The following SHANK2 variants were observed in gnomAD, a reference collection of about 807,000 sequenced individuals.
SHANK2 encodes the protein SH3 and multiple ankyrin repeat domains protein 2.
Under a neutral mutation model 133.7 loss-of-function variants are expected in SHANK2, and 43 were observed. The observed-to-expected ratio is 0.32, with a 90% CI of 0.25 to 0.41. SHANK2 has a LOEUF of 0.41. Among genes scored for constraint, SHANK2 ranks in the 10% least tolerant of loss-of-function variants. The pLI, the probability that SHANK2 is intolerant of heterozygous loss-of-function variation, is 1.00. For synonymous variants in SHANK2, 1,017 were observed against 952.8 expected (o/e 1.07, Z -1.24); for missense variants, 1,994 against 2,235.8 (o/e 0.89, Z 2.18).
chr11:70,609,660 G>A (rs79872139), intron 17 of SHANK2, among the ~76,000 whole-genome samples: 7,794 of 151,188 alleles, frequency 0.052, 282 homozygotes, highest in East Asian at 0.23. Flanking sequence ...ATTGTATATT[G>A]TATATACTGT....
chr11:71,080,329 G>C (rs1039595693), intron 8 of SHANK2, among the ~76,000 whole-genome samples: 2 of 152,066 alleles, frequency 1.3e-5, no homozygotes, highest in Admixed American at 1.3e-4. Flanking sequence ...GATGCCTAGC[G>C]TCCCACCCGC....
intron 17 of SHANK2, among the ~76,000 whole-genome samples, chr11:70,509,170 C>T (rs538605775): frequency 8.5e-5 from 13 of 152,340 alleles, no homozygotes; most frequent in African/African-American, 3.1e-4. Flanking sequence ...GTGCCTTGCC[C>T]GGCCTTCTTG....
intron 14 of SHANK2, among the ~76,000 whole-genome samples, chr11:70,768,627 CCT>C (rs1412746721): frequency 6.6e-6 from 1 of 152,166 alleles, no homozygotes; most frequent in African/African-American, 2.4e-5. Flanking sequence ...AGCCTGCACC[CCT>C]GAGTTATTTA....
intron 14 of SHANK2, among the ~76,000 whole-genome samples, chr11:70,745,882 G>T (rs1223800060): frequency 2.0e-5 from 3 of 152,238 alleles, no homozygotes; most frequent in African/African-American, 7.2e-5. Context: ...GAGACCTCGA[G>T]CGAGCGTTAT....
At chr11:71,092,713 C>A (rs985417963) in intron 7 of SHANK2, 124 bp from the exon 8 acceptor site, 1 of 876,872 alleles carries the variant, frequency 1.1e-6, no homozygotes, top group Non-Finnish European at 1.7e-6. Context: ...ACCCTGAGTA[C>A]CCAGTGCTTC....
At chr11:70,547,418 AC>A (rs782667952) in intron 17 of SHANK2, among the ~76,000 whole-genome samples, 3 of 151,972 alleles carry the variant, frequency 2.0e-5, no homozygotes, top group Non-Finnish European at 4.4e-5. Context: ...CTGTCACCAC[AC>A]CTGGCTAATT....
chr11:71,117,370 G>A (rs1386724504), intron 4 of SHANK2, among the ~76,000 whole-genome samples: 1 of 152,212 alleles, frequency 6.6e-6, no homozygotes, highest in African/African-American at 2.4e-5. Context: ...GGAATATGAT[G>A]TAATTTAAAA....
chr11:70,656,924 T>C (rs913503323), intron 17 of SHANK2, among the ~76,000 whole-genome samples: 1 of 152,302 alleles, frequency 6.6e-6, no homozygotes, highest in South Asian at 2.1e-4. Context: ...AAGAAAGTCA[T>C]GCACAGCAGG....
chr11:71,164,305 T>C lies in SHANK2; in HGVS notation c.-12-16967A>G, dbSNP rs779521440. 3.3e-4 allele frequency among the ~76,000 whole-genome samples: 50 copies of C among 152,194 alleles called. 1 individual carries two copies. The highest frequency in any genetic ancestry group is 6.5e-4 in the Admixed American group (10 of 15,280). On this transcript the variant is annotated intron_variant, in intron 2 of 25. Transcript: ENST00000601538. Reference sequence around the variant, plus strand: ...TTTGAAGATTAAATATCACAGCACATTGCATCTCAGCAGTGTCTGTCTAGG... The same window carrying C: ...TTTGAAGATTAAATATCACAGCACACTGCATCTCAGCAGTGTCTGTCTAGG...
rs1271917473 is a variant in SHANK2, at chr11:71,085,737, T to A, written c.912+6685A>T. ...ATATTATATTATATAAAATATAATA[T>A]ATTATATAATATATTATGTTATATA... On this transcript the variant is annotated intron_variant, in intron 8 of 25. Transcript: ENST00000601538. Among the ~76,000 whole-genome samples the A allele has an allele frequency of 2.3e-4, 18 of 77,600 alleles. 1 individual carries two copies. The highest frequency in any genetic ancestry group is 1.2e-3 in the South Asian group (3 of 2,482). The allele number at this position is 77,600 out of a possible 152,430, so 50.9% of individuals were successfully genotyped here.
chr11:70,691,950 C>T lies in SHANK2; in HGVS notation c.1853+6738G>A, dbSNP rs531410171. Among the ~76,000 whole-genome samples the T allele has an allele frequency of 2.0e-5, 3 of 152,138 alleles. No individual in the cohort carries two copies. In the South Asian group the frequency reaches 6.2e-4, roughly 32 times the overall value. On this transcript the variant is annotated intron_variant, in intron 15 of 25. Transcript: ENST00000601538. ...AAATACAGAAAATGTATGAAATAAA[C>T]AGTGAAATAATCTCTTGCCCTGCCC...
At chr11:70,832,421 T>A (rs1948738982) in intron 11 of SHANK2, among the ~76,000 whole-genome samples, 1 of 152,208 alleles carries the variant, frequency 6.6e-6, no homozygotes, top group African/African-American at 2.4e-5. Flanking sequence ...AGACCACTCC[T>A]AAGGGCTCCC....
rs558785877 is a variant in SHANK2, at chr11:70,543,095, C to T, written c.2062-40164G>A. ...GCGGCTGAGCTCCCCAGGGTAACTG[C>T]ATGTGCTTTTCATGGAACTGGAACT... On this transcript the variant is annotated intron_variant, in intron 17 of 25. Transcript: ENST00000601538. Among the ~76,000 whole-genome samples the T allele has an allele frequency of 1.5e-3, 221 of 152,292 alleles. 1 individual carries two copies. Among genetic ancestry groups the T allele is most frequent in the African/African-American group, 5.2e-3 (217 of 41,556 alleles).
chr11:71,056,805 AT>A (rs1371305131), intron 9 of SHANK2, among the ~76,000 whole-genome samples: 2 of 84,454 alleles, frequency 2.4e-5, no homozygotes, highest in East Asian at 6.0e-4. Context: ...TGTATATAAA[AT>A]ATACAATAAA....
rs56238037 is a variant in SHANK2 at position 70,557,149 on chromosome 11, CTCATTCATTCAT to C, written c.2062-54230_2062-54219del. Among the ~76,000 whole-genome samples, 348 of 150,884 alleles carry C rather than the reference CTCATTCATTCAT, an allele frequency of 2.3e-3. 3 individuals are homozygous for C. The highest frequency in any genetic ancestry group is 6.6e-3 in the African/African-American group (271 of 41,016). On this transcript the variant is annotated intron_variant, in intron 17 of 25. Coordinates refer to ENST00000601538, the MANE Select transcript of SHANK2 (RefSeq NM_012309.5). ...ACATACCAGGCATTGCACTAAAAGCCTCATTCATTCATTCATTCATTCATTCATTCATTCATT... is the reference window on the plus strand; with the variant it reads ...ACATACCAGGCATTGCACTAAAAGCCTCATTCATTCATTCATTCATTCATT...
intron 17 of SHANK2, among the ~76,000 whole-genome samples, chr11:70,618,336 T>C (rs2136436122): frequency 6.6e-6 from 1 of 151,346 alleles, no homozygotes; most frequent in Admixed American, 6.6e-5. Context: ...TCTGATGTGA[T>C]TCGTGCAGGG....
At chr11:70,533,663 G>T (rs548819881) in intron 17 of SHANK2, among the ~76,000 whole-genome samples, 1 of 152,180 alleles carries the variant, frequency 6.6e-6, no homozygotes, top group Non-Finnish European at 1.5e-5. Flanking sequence ...CTTATATAAT[G>T]TAAAATTCAC....
chr11:70,777,104 T>G (rs975202410), intron 14 of SHANK2, among the ~76,000 whole-genome samples: 1 of 146,866 alleles, frequency 6.8e-6, no homozygotes, highest in South Asian at 2.3e-4. Flanking sequence ...CTCCCCCACC[T>G]ACATATGCAT....
At chr11:70,593,762 G>A (rs2060360545) in intron 17 of SHANK2, among the ~76,000 whole-genome samples, 1 of 152,180 alleles carries the variant, frequency 6.6e-6, no homozygotes, top group Non-Finnish European at 1.5e-5. Flanking sequence ...GAGTGACAAG[G>A]ACTCCAATCT....
Sources: allele counts gnomAD v4.1 joint callset (sites outside exome capture counted in the v4.1 genomes callset), GRCh38; gene constraint gnomAD v4.1.1; transcripts MANE v1.5; gene names NCBI Gene and HGNC (gene_info 2026-07-23, HGNC 2026-07-21).